AK8: variants seen among roughly 807,000 people sequenced by gnomAD.
The protein encoded by AK8 is ATP-AMP transphosphorylase 8.
A neutral mutation model predicts 54.6 loss-of-function variants in AK8; 44 were observed. The observed-to-expected ratio is 0.81, with a 90% CI of 0.63 to 1.04. The LOEUF (loss-of-function observed/expected upper bound fraction) is 1.04, where lower values mean the gene tolerates loss of function less well. Among genes scored for constraint, AK8 ranks in the 50% least tolerant of loss-of-function variants. AK8 has a pLI of 0.00. For missense variants in AK8, 555 were observed against 613.6 expected (o/e 0.90, Z 1.01); for synonymous variants, 239 against 245.6 (o/e 0.97, Z 0.25).
In AK8 at chr9:132,725,591, G is replaced by C. The variant is rs1477100050; in HGVS notation, c.*97C>G. ...GGACGTACGAGACTGTATCCAGCAG[G>C]CTTTATTGGCTTTTTAGGGGAGCTG... On this transcript the variant is annotated 3_prime_UTR_variant, in exon 13 of 13. Coordinates refer to ENST00000298545, the MANE Select transcript of AK8 (RefSeq NM_152572.3). 21 of 1,131,666 alleles carry C rather than the reference G, an allele frequency of 1.9e-5. No individual in the cohort carries two copies. The East Asian group carries it at 4.1e-4, about 22-fold the overall frequency. 70.1% of individuals were successfully genotyped at this position (1,131,666 alleles called of 1,614,324 possible). A position where few individuals can be genotyped will look rare whatever the true frequency, so the allele number is the denominator to read the frequency against.
rs189838833 is a variant in AK8, at chr9:132,870,195, G to A, written c.170-3242C>T. Among the ~76,000 whole-genome samples, 878 of 152,292 alleles carry A rather than the reference G, an allele frequency of 5.8e-3. 10 individuals are homozygous for A. The highest frequency in any genetic ancestry group is 3.9e-3 in the Non-Finnish European group (263 of 68,028). On this transcript the variant is annotated intron_variant, in intron 2 of 12. Coordinates refer to ENST00000298545, the MANE Select transcript of AK8 (RefSeq NM_152572.3). The stretch of plus-strand genomic sequence containing the variant: ...CCCAAATGGTACATGTCTATGAATA[G>A]ACTTTAAAAGGGGAACATCCACGGC...
intron 11 of AK8, among the ~76,000 whole-genome samples, chr9:132,747,739 TA>T (rs1414332807): frequency 2.0e-5 from 3 of 150,604 alleles, no homozygotes; most frequent in East Asian, 3.9e-4. Context: ...CCTTACTTTA[TA>T]TGTCTGGTTT....
intron 5 of AK8, 96 bp from the exon 6 acceptor site, chr9:132,828,822 G>C: frequency 4.3e-6 from 4 of 922,882 alleles, no homozygotes; most frequent in Non-Finnish European, 6.2e-6. Context: ...AGAAAGACTA[G>C]AACTTTTAAG....
chr9:132,778,318 A>G (rs916305560), intron 11 of AK8, among the ~76,000 whole-genome samples: 3 of 152,182 alleles, frequency 2.0e-5, no homozygotes, highest in Non-Finnish European at 4.4e-5. Flanking sequence ...TCAGGCCCAG[A>G]GCTGCAGTAA....
At chr9:132,851,929 A>G (rs138272177) in intron 5 of AK8, among the ~76,000 whole-genome samples, 1 of 152,376 alleles carries the variant, frequency 6.6e-6, no homozygotes, top group Non-Finnish European at 1.5e-5. Context: ...GAGAGCAGAT[A>G]CAGATGTCAC....
intron 4 of AK8, among the ~76,000 whole-genome samples, chr9:132,862,805 T>C (rs1843443027): frequency 6.6e-6 from 1 of 152,098 alleles, no homozygotes; most frequent in South Asian, 2.1e-4. Flanking sequence ...GATTTGGCTT[T>C]GAAGCTGCCT....
intron 5 of AK8, among the ~76,000 whole-genome samples, chr9:132,830,655 C>T (rs751978192): frequency 4.6e-5 from 7 of 152,164 alleles, no homozygotes; most frequent in African/African-American, 9.7e-5. Flanking sequence ...ATATTAAGAA[C>T]GTGAACCCAT....
chr9:132,776,145 A>C (rs1040985082), intron 11 of AK8, among the ~76,000 whole-genome samples: 1 of 152,200 alleles, frequency 6.6e-6, no homozygotes, highest in African/African-American at 2.4e-5. Context: ...TAATGGGAGA[A>C]CTTTCCTTTT....
intron 11 of AK8, among the ~76,000 whole-genome samples, chr9:132,734,896 T>G (rs1019484406): frequency 2.0e-5 from 3 of 152,160 alleles, no homozygotes; most frequent in African/African-American, 7.2e-5. Flanking sequence ...CTAGGCATGG[T>G]GGCATGCGCC....
rs1843330292 is a variant in AK8 at position 132,860,211 on chromosome 9, G to A, written c.333+3454C>T. ...TCCCTGATGGTCCAGTGAGGGAGGG[G>A]CCTGAGCAGGAGAGGGCCCAGGAGC... On this transcript the variant is annotated intron_variant, in intron 4 of 12. Transcript: ENST00000298545. This position sits in a 1 kb window ranked among gnomAD's most constrained non-coding sequence, Gnocchi z 4.4. Among the ~76,000 whole-genome samples the A allele has an allele frequency of 6.6e-6, 1 of 152,164 alleles. No individual in the cohort carries two copies. The highest frequency in any genetic ancestry group is 1.5e-5 in the Non-Finnish European group (1 of 68,010).
intron 6 of AK8, 77 bp downstream of exon 6, chr9:132,828,568 A>C: frequency 7.6e-7 from 1 of 1,312,500 alleles, no homozygotes; most frequent in Non-Finnish European, 1.1e-6. Context: ...AGGAGCAGGC[A>C]GCATGAGCGG....
rs73659464 is a variant in AK8, at chr9:132,731,814, C to T, written c.1122-4280G>A. ...TCAGGTTGTGCTGAGGTGGGAGGAT[C>T]CCTTGAGCCCAGGAGTTCAAGGCCA... On this transcript the variant is annotated intron_variant, in intron 11 of 12. Transcript: ENST00000298545. 7.6e-3 allele frequency among the ~76,000 whole-genome samples: 1,156 copies of T among 152,194 alleles called. 18 individuals carry two copies. Among genetic ancestry groups the T allele is most frequent in the African/African-American group, 0.026 (1,092 of 41,500 alleles).
At chr9:132,872,848 T>C (rs1376329056) in intron 2 of AK8, among the ~76,000 whole-genome samples, 1 of 151,962 alleles carries the variant, frequency 6.6e-6, no homozygotes, top group Non-Finnish European at 1.5e-5. Flanking sequence ...GTCTCGCTCT[T>C]TCGCCCAGGC....
At chr9:132,789,505 G>A (rs1389148392) in intron 11 of AK8, among the ~76,000 whole-genome samples, 1 of 139,140 alleles carries the variant, frequency 7.2e-6, no homozygotes, top group African/African-American at 2.6e-5. Flanking sequence ...GAGGAGGCAG[G>A]AGAATCACTT....
At chr9:132,862,089 C>A (rs1424896035) in intron 4 of AK8, among the ~76,000 whole-genome samples, 1 of 152,222 alleles carries the variant, frequency 6.6e-6, no homozygotes, top group Non-Finnish European at 1.5e-5. Context: ...GAAAGCTTAT[C>A]TTCTGCAGAA....
intron 11 of AK8, among the ~76,000 whole-genome samples, chr9:132,747,955 C>T (rs1316043677): frequency 2.7e-5 from 4 of 150,880 alleles, no homozygotes; most frequent in Admixed American, 1.3e-4. Context: ...AAAAATTAGC[C>T]GAGCATGGTG....
At chr9:132,730,258 G>A (rs1836773210) in intron 11 of AK8, among the ~76,000 whole-genome samples, 1 of 152,130 alleles carries the variant, frequency 6.6e-6, no homozygotes, top group Non-Finnish European at 1.5e-5. Context: ...GCTTTGGTAG[G>A]TCCAATGGGA....
chr9:132,852,561 G>T (rs537904685), intron 5 of AK8, among the ~76,000 whole-genome samples: 1 of 150,452 alleles, frequency 6.6e-6, no homozygotes, highest in East Asian at 2.0e-4. Context: ...AGTGAGCTGA[G>T]ATCGCACCAC....
chr9:132,744,901 C>A (rs1411771412), intron 11 of AK8, among the ~76,000 whole-genome samples: 1 of 152,288 alleles, frequency 6.6e-6, no homozygotes, highest in East Asian at 1.9e-4. Context: ...CTCGGTTTAC[C>A]CGCTGGCTTG....
Sources: gnomAD v4.1 joint callset for allele counts (sites outside exome capture counted in the v4.1 genomes callset) on GRCh38, gnomAD v4.1.1 for gene constraint, Gnocchi (gnomAD v3.1) non-coding constraint, MANE v1.5 for transcripts, NCBI Gene and HGNC (gene_info 2026-07-23, HGNC 2026-07-21) for gene names.